MPDU1: variants seen among roughly 807,000 people sequenced by gnomAD.
MPDU1 encodes the protein mannose-P-dolichol utilization defect 1.
In MPDU1, 18 loss-of-function variants were observed where a neutral mutation model predicts 27.6. The ratio of observed to expected loss-of-function variants is 0.65; its 90% CI spans 0.45 to 0.97. The LOEUF (loss-of-function observed/expected upper bound fraction) is 0.97, where lower values mean the gene tolerates loss of function less well. Among genes scored for constraint, MPDU1 ranks in the 50% least tolerant of loss-of-function variants. The pLI, the probability that MPDU1 is intolerant of heterozygous loss-of-function variation, is 0.00. For missense variants in MPDU1, 279 were observed against 297.4 expected (o/e 0.94, Z 0.46); for synonymous variants, 142 against 131.1 (o/e 1.08, Z -0.57).
At chr17:7,585,658 A>T in intron 1 of MPDU1, 74 bp from the exon 2 acceptor site, 1 of 1,453,422 alleles carries the variant, frequency 6.9e-7, no homozygotes, top group Non-Finnish European at 9.7e-7. Flanking sequence ...GCTCGGGGAG[A>T]GCCCACAGGA....
chr17:7,585,724 C>T lies in MPDU1; in HGVS notation c.104-8C>T, dbSNP rs373280388. ...CTCCTGTCTGCTTACCCTTTTTTCT[C>T]TCCTCAGTCCCCTGCCTCAAGATTC... On this transcript the variant is annotated splice_polypyrimidine_tract_variant and splice_region_variant and intron_variant, in intron 1 of 6. Coordinates refer to ENST00000250124, the MANE Select transcript of MPDU1 (RefSeq NM_004870.4). The T allele has an allele frequency of 1.5e-5, 25 of 1,613,784 alleles. No individual in the cohort carries two copies. In the African/African-American group the frequency reaches 2.5e-4, roughly 16 times the overall value.
chr17:7,586,178 G>A (rs2071579559), intron 3 of MPDU1, 100 bp downstream of exon 3: 1 of 1,451,330 alleles, frequency 6.9e-7, no homozygotes, highest in South Asian at 1.2e-5. Flanking sequence ...GGGCCCAGTG[G>A]CTTGCACCTG....
At chr17:7,586,202 T>C in intron 3 of MPDU1, 124 bp downstream of exon 3, 2 of 1,236,352 alleles carry the variant, frequency 1.6e-6, no homozygotes, top group Non-Finnish European at 2.3e-6. Flanking sequence ...CCCCAGCACT[T>C]TGGGAGGCCG....
chr17:7,584,121 T>C (rs1015019485), intron 1 of MPDU1, 156 bp downstream of exon 1: 1 of 759,362 alleles, frequency 1.3e-6, no homozygotes, highest in Non-Finnish European at 2.3e-6. Flanking sequence ...TCGGGCTCCT[T>C]AGAGGGAGGA....
At position 7,587,785 on chromosome 17, in the gene MPDU1, C is replaced by G. The variant is rs530076129; in HGVS notation, c.*234C>G. ...CAAAATTTTGACATTTGAGTGCTTT[C>G]GTAAGCCCTGTACATGTACTATTAA... On this transcript the variant is annotated 3_prime_UTR_variant, in exon 7 of 7. Coordinates refer to ENST00000250124, the MANE Select transcript of MPDU1 (RefSeq NM_004870.4). The G allele has an allele frequency of 3.1e-6, 2 of 638,426 alleles. No individual in the cohort carries two copies. Among genetic ancestry groups the G allele is most frequent in the South Asian group, 3.0e-5 (2 of 66,260 alleles). 39.5% of individuals were successfully genotyped at this position (638,426 alleles called of 1,614,324 possible).
At chr17:7,585,907 G>GGA in intron 2 of MPDU1, 39 bp from the exon 3 acceptor site, 1 of 1,614,068 alleles carries the variant, frequency 6.2e-7, no homozygotes, top group South Asian at 1.1e-5. Context: ...CCCAAAGAAT[G>GGA]GAGAGTCCTC....
chr17:7,583,779 A>G, upstream of MPDU1: 2 of 1,419,404 alleles, frequency 1.4e-6, no homozygotes, highest in Non-Finnish European at 2.0e-6. Context: ...CGGGAAAAGA[A>G]CGGGAGGCGG....
upstream of MPDU1, chr17:7,583,828 G>T (rs373815824): frequency 1.9e-6 from 3 of 1,605,308 alleles, no homozygotes; most frequent in African/African-American, 2.7e-5. Flanking sequence ...AGTCAATGGC[G>T]GTCTGGAGAG....
In MPDU1 at chr17:7,588,139, T is replaced by A. The variant is rs982856614; in HGVS notation, c.*588T>A. On this transcript the variant is annotated 3_prime_UTR_variant, in exon 7 of 7. Coordinates refer to ENST00000250124, the MANE Select transcript of MPDU1 (RefSeq NM_004870.4). ...GAGATGGGGCTGGTTCCTGCTGCAG[T>A]GAGGGGAACAGATGGGACAATAAAG... 9.2e-6 allele frequency: 6 copies of A among 655,258 alleles called. No individual in the cohort carries two copies. The African/African-American group carries it at 1.1e-4, about 12-fold the overall frequency. 40.6% of individuals were successfully genotyped at this position (655,258 alleles called of 1,614,324 possible).
rs1343945185 is a variant in MPDU1 at position 7,584,039 on chromosome 17, G to A, written c.103+74G>A. On this transcript the variant is annotated intron_variant, in intron 1 of 6. Transcript: ENST00000250124. ...GCCCTTAGTCCAAGCCTTGATCGGC[G>A]ACTAAGTGACGGCAGTGACTGCCGC... 4.2e-6 allele frequency: 6 copies of A among 1,430,300 alleles called. No individual in the cohort carries two copies. The Admixed American group carries it at 5.0e-5, about 12-fold the overall frequency. 88.6% of individuals were successfully genotyped at this position (1,430,300 alleles called of 1,614,324 possible). A position where few individuals can be genotyped will look rare whatever the true frequency, so the allele number is the denominator to read the frequency against.
intron 1 of MPDU1, among the ~76,000 whole-genome samples, 192 bp from the exon 2 acceptor site, chr17:7,585,537 CAAA>C: frequency 2.7e-5 from 1 of 36,386 alleles, no homozygotes; most frequent in African/African-American, 6.0e-5. Flanking sequence ...ACTCTGTCTC[CAAA>C]AAAAAAAAAA....
In MPDU1 at chr17:7,588,129, C is replaced by T. The variant is rs1400467714; in HGVS notation, c.*578C>T. The T allele has an allele frequency of 1.6e-6, 1 of 644,616 alleles. No homozygotes were observed. Among genetic ancestry groups the T allele is most frequent in the South Asian group, 1.5e-5 (1 of 66,252 alleles). 39.9% of individuals were successfully genotyped at this position (644,616 alleles called of 1,614,324 possible). On this transcript the variant is annotated 3_prime_UTR_variant, in exon 7 of 7. Transcript: ENST00000250124. ...GAAGGGAGTGGAGATGGGGCTGGTT[C>T]CTGCTGCAGTGAGGGGAACAGATGG...
intron 5 of MPDU1, 50 bp downstream of exon 5, chr17:7,587,067 G>GCA: frequency 1.9e-6 from 2 of 1,041,338 alleles, no homozygotes; most frequent in Non-Finnish European, 2.9e-6. Flanking sequence ...GGGTGGGGGG[G>GCA]AAGAGTAGAA....
Position 7,586,916 on chromosome 17 carries a change from T to G in MPDU1, c.406T>G (p.Cys136Gly). The G allele has an allele frequency of 6.2e-7, 1 of 1,614,106 alleles. No individual in the cohort carries two copies. The highest frequency in any genetic ancestry group is 1.1e-5 in the South Asian group (1 of 91,082). The change falls in exon 5 of 7, where the codon TGC becomes GGC. Residue 136 changes from cysteine to glycine, a missense_variant. Coordinates refer to ENST00000250124, the MANE Select transcript of MPDU1 (RefSeq NM_004870.4). Reference protein sequence around the residue: ...QTVKGVAFLACYGLVLLVLLS... With the variant: ...QTVKGVAFLAGYGLVLLVLLS... ...ACCCCTAGGTGTCGCTTTCCTCGCT[T>G]GCTACGGCCTGGTCCTGCTGGTGCT...
chr17:7,583,880 C>T lies in MPDU1; in HGVS notation c.18C>T (p.Asp6=), dbSNP rs926965602. Residue 6 remains aspartate (D), a synonymous_variant, in exon 1 of 7, where the codon GAC becomes GAT. Transcript: ENST00000250124. ...TTTGCAATATGGCGGCCGAGGCGGA[C>T]GGACCGCTTAAACGGCTGCTCGTGC... is the stretch of plus-strand genomic sequence containing the variant. MAAEA[D]GPLKRLLVPI... The T allele has an allele frequency of 4.3e-6, 7 of 1,613,960 alleles. No individual in the cohort carries two copies. Among genetic ancestry groups the T allele is most frequent in the Non-Finnish European group, 5.9e-6 (7 of 1,180,040 alleles).
At chr17:7,585,442 CAA>C (rs1239615347) in intron 1 of MPDU1, among the ~76,000 whole-genome samples, 2 of 151,552 alleles carry the variant, frequency 1.3e-5, no homozygotes, top group Non-Finnish European at 2.9e-5. Flanking sequence ...GAGGCTGAGA[CAA>C]GAGAATTGCT....
chr17:7,584,041 C>CT, intron 1 of MPDU1, 76 bp downstream of exon 1: 1 of 1,430,400 alleles, frequency 7.0e-7, no homozygotes, highest in Non-Finnish European at 9.8e-7. Flanking sequence ...TGATCGGCGA[C>CT]TAAGTGACGG....
At chr17:7,583,846 G>T (rs1274259283), upstream of MPDU1, 3 of 1,613,530 alleles carry the variant, frequency 1.9e-6, no homozygotes, top group African/African-American at 4.0e-5. Context: ...GAGACTGGCG[G>T]AAGCTAGCTT....
upstream of MPDU1, chr17:7,583,725 G>A (rs780404495): frequency 1.1e-6 from 1 of 883,662 alleles, no homozygotes; most frequent in Non-Finnish European, 1.9e-6. Flanking sequence ...GTGAGGGTGG[G>A]TAGCGTCAGA....
Sources: allele counts gnomAD v4.1 joint callset (sites outside exome capture counted in the v4.1 genomes callset), GRCh38; gene constraint gnomAD v4.1.1; transcripts MANE v1.5; gene names NCBI Gene and HGNC (gene_info 2026-07-23, HGNC 2026-07-21).